Variants in ABCA13 observed in about 807,000 individuals in gnomAD.
ABCA13 encodes the protein ATP binding cassette subfamily A member 13, also known as ATP-binding cassette sub-family A member 13.
Under a neutral mutation model 478.7 loss-of-function variants are expected in ABCA13, and 476 were observed. The ratio of observed to expected loss-of-function variants is 0.99; its 90% CI spans 0.92 to 1.07. The LOEUF is 1.07. Ranked by LOEUF, ABCA13 falls within the 50% of genes least tolerant of loss-of-function variation. ABCA13 has a pLI of 0.00. For synonymous variants in ABCA13, 2,252 were observed against 2,158.9 expected, an observed-to-expected ratio of 1.04 and a Z score of -1.20; for missense variants, 6,060 against 5,910.6, an observed-to-expected ratio of 1.03 and a Z score of -0.83.
At chr7:48,491,816 A>G (rs975515285) in intron 48 of ABCA13, among the ~76,000 whole-genome samples, 6 of 152,182 alleles carry the variant, frequency 3.9e-5, no homozygotes, top group African/African-American at 1.4e-4. Context: ...GGACAGAGCT[A>G]GAACTATTAG....
intron 59 of ABCA13, among the ~76,000 whole-genome samples, chr7:48,641,354 C>T (rs138138921): frequency 1.7e-3 from 258 of 152,266 alleles, no homozygotes; most frequent in Non-Finnish European, 2.6e-3. Context: ...TTCTTCACTC[C>T]AAGAAGAACA....
At chr7:48,598,457 G>A (rs918291628) in intron 58 of ABCA13, among the ~76,000 whole-genome samples, 2 of 152,202 alleles carry the variant, frequency 1.3e-5, no homozygotes, top group Non-Finnish European at 2.9e-5. Flanking sequence ...GAATGTGATT[G>A]CTGGATCGGA....
At chr7:48,531,233 T>G (rs1212803557) in intron 55 of ABCA13, among the ~76,000 whole-genome samples, 1 of 152,220 alleles carries the variant, frequency 6.6e-6, no homozygotes, top group Non-Finnish European at 1.5e-5. Context: ...CTGCACCATT[T>G]GTTGAATATG....
At chr7:48,394,593 T>G (rs777200755) in intron 38 of ABCA13, among the ~76,000 whole-genome samples, 2 of 152,242 alleles carry the variant, frequency 1.3e-5, no homozygotes, top group Non-Finnish European at 2.9e-5. Context: ...TTCCACCAGA[T>G]AGCAAACCCC....
In ABCA13 at chr7:48,275,549, T is replaced by C. The variant is rs1221809069; in HGVS notation, c.5883T>C (p.Asn1961=). ...TGCAAATCATAGAAAAACTTAAAAA[T>C]GTCAACTTTACAAAAGTTACATCAG... The part of the protein sequence containing the change: ...VALQIIEKLK[N]VNFTKVTSGE... The change falls in exon 17 of 62, where the codon AAT becomes AAC. Residue 1961 remains asparagine (N), a synonymous_variant. Transcript: ENST00000435803. The C allele has an allele frequency of 6.2e-7, 1 of 1,613,780 alleles. No individual in the cohort carries two copies.
intron 44 of ABCA13, among the ~76,000 whole-genome samples, chr7:48,467,591 C>G (rs1244070745): frequency 6.6e-6 from 1 of 151,976 alleles, no homozygotes. Context: ...CACTTATTTC[C>G]CTCTTATTTT....
chr7:48,434,697 G>GT (rs1258787499), intron 42 of ABCA13, among the ~76,000 whole-genome samples: 1 of 151,894 alleles, frequency 6.6e-6, no homozygotes, highest in Admixed American at 6.6e-5. Flanking sequence ...ACTGTGTATG[G>GT]TAGGTGTCCA....
chr7:48,381,720 G>C (rs527267648), intron 35 of ABCA13, among the ~76,000 whole-genome samples: 15 of 152,198 alleles, frequency 9.9e-5, no homozygotes, highest in African/African-American at 3.4e-4. Flanking sequence ...TGTCAGTTTT[G>C]GGGGGCAATG....
intron 42 of ABCA13, among the ~76,000 whole-genome samples, chr7:48,443,060 C>A (rs1349901334): frequency 6.6e-6 from 1 of 152,072 alleles, no homozygotes; most frequent in Admixed American, 6.6e-5. Flanking sequence ...AAAAGAGACA[C>A]CAGGGATGCA....
chr7:48,368,832 A>T (rs1224001883), intron 32 of ABCA13, among the ~76,000 whole-genome samples: 1 of 151,122 alleles, frequency 6.6e-6, no homozygotes, highest in Non-Finnish European at 1.5e-5. Context: ...ATTGATGGGC[A>T]TCTGGGTTGG....
intron 1 of ABCA13, among the ~76,000 whole-genome samples, chr7:48,188,466 G>C (rs1037511627): frequency 6.6e-6 from 1 of 152,190 alleles, no homozygotes; most frequent in Admixed American, 6.5e-5. Context: ...ATAGTCACCA[G>C]GATTATGAGG....
At chr7:48,529,764 CT>C (rs61385328) in intron 55 of ABCA13, among the ~76,000 whole-genome samples, 5,724 of 151,406 alleles carry the variant, frequency 0.038, 138 homozygotes, top group East Asian at 0.13. Context: ...TTGACAATCT[CT>C]TTTTTTTTAC....
chr7:48,627,990 C>T (rs1793820631), intron 59 of ABCA13, among the ~76,000 whole-genome samples: 1 of 152,146 alleles, frequency 6.6e-6, no homozygotes, highest in African/African-American at 2.4e-5. Flanking sequence ...CCACTTAGTC[C>T]TATGTCCCAG....
intron 47 of ABCA13, among the ~76,000 whole-genome samples, chr7:48,487,880 T>C (rs1829487675): frequency 6.6e-6 from 1 of 152,218 alleles, no homozygotes; most frequent in African/African-American, 2.4e-5. Context: ...CTCTGATATA[T>C]GACATAAACT....
Position 48,271,988 on chromosome 7 carries a change from G to A in ABCA13, c.2322G>A (p.Trp774Ter), listed in dbSNP as rs766475053. The change falls in exon 17 of 62, where the codon TGG becomes TGA. Residue 774 changes from tryptophan to a stop codon, truncating the protein, a stop_gained. Transcript: ENST00000435803. LOFTEE classifies it high-confidence loss of function. ...TEDILNISSL[W>*]TNHLKSLKRD... ...ATATTCTGAATATAAGTTCTCTGTG[G>A]ACAAATCATTTAAAAAGTTTAAAGA... 4 of 1,613,466 alleles carry A rather than the reference G, an allele frequency of 2.5e-6. No individual in the cohort carries two copies. The highest frequency in any genetic ancestry group is 2.5e-6 in the Non-Finnish European group (3 of 1,179,670).
chr7:48,537,724 TGA>T lies in ABCA13; in HGVS notation c.14354+9380_14354+9381del, dbSNP rs1284188380. The stretch of plus-strand genomic sequence containing the variant: ...TCAGGTCAGAACAGGTGACCAAGGG[TGA>T]CTCAGGTTGCAGCAGGTGATCAGGG... On this transcript the variant is annotated intron_variant, in intron 55 of 61. Transcript: ENST00000435803. 2.6e-5 allele frequency among the ~76,000 whole-genome samples: 4 copies of T among 152,104 alleles called. No homozygotes were observed. The East Asian group carries it at 7.7e-4, about 29-fold the overall frequency.
chr7:48,564,677 A>G (rs1786845720), intron 55 of ABCA13, among the ~76,000 whole-genome samples: 1 of 151,828 alleles, frequency 6.6e-6, no homozygotes, highest in Non-Finnish European at 1.5e-5. Flanking sequence ...AATTTCTTAT[A>G]TAATTAAAAA....
intron 59 of ABCA13, among the ~76,000 whole-genome samples, chr7:48,622,328 C>T (rs1793217670): frequency 6.6e-6 from 1 of 152,166 alleles, no homozygotes; most frequent in South Asian, 2.1e-4. Context: ...AGCCTGGACC[C>T]AGTTTACACC....
At chr7:48,480,805 T>A (rs1316062824) in intron 45 of ABCA13, among the ~76,000 whole-genome samples, 1 of 152,200 alleles carries the variant, frequency 6.6e-6, no homozygotes, top group Non-Finnish European at 1.5e-5. Flanking sequence ...CAGAAAAGGA[T>A]TTGAAGTTCT....
Sources: gnomAD v4.1 joint callset for allele counts (sites outside exome capture counted in the v4.1 genomes callset) on GRCh38, gnomAD v4.1.1 for gene constraint, MANE v1.5 for transcripts, NCBI Gene and HGNC (gene_info 2026-07-23, HGNC 2026-07-21) for gene names.